Variants in DNAH11 observed in about 807,000 individuals in gnomAD.
DNAH11 encodes axonemal beta dynein heavy chain 11.
DNAH11 carries 442 observed loss-of-function variants against 526.0 expected under a neutral mutation model. The ratio of observed to expected loss-of-function variants is 0.84; its 90% CI spans 0.78 to 0.91. DNAH11 has a LOEUF of 0.91. Ranked by LOEUF, DNAH11 falls within the 40% of genes least tolerant of loss-of-function variation. The pLI is 0.00. For synonymous variants in DNAH11, 2,461 were observed against 1,935.9 expected (o/e 1.27, Z -7.12); for missense variants, 6,989 against 5,448.7 (o/e 1.28, Z -8.90).
intron 81 of DNAH11, among the ~76,000 whole-genome samples, chr7:21,900,504 G>C (rs62445899): frequency 0.1 from 11,524 of 112,068 alleles, 515 homozygotes; most frequent in African/African-American, 0.13. Flanking sequence ...CTCCAAGCCT[G>C]GAAGATGCTA....
chr7:21,725,848 A>C lies in DNAH11; in HGVS notation c.7304A>C (p.Gln2435Pro), dbSNP rs771851440. The part of the protein sequence containing the change: ...DYQADFSRWW[Q>P]KEMKAVKFPS... The stretch of plus-strand genomic sequence containing the variant: ...CAAGCTGACTTCAGTCGGTGGTGGC[A>C]GAAAGAGATGAAAGCAGTGAAATTT... The change falls in exon 45 of 82, where the codon CAG becomes CCG. Residue 2435 changes from glutamine to proline, a missense_variant. Physicochemically the swap from Gln to Pro is moderately conservative, Grantham distance 76. Transcript: ENST00000409508. 1.2e-6 allele frequency: 2 copies of C among 1,611,948 alleles called. No homozygotes were observed. The highest frequency in any genetic ancestry group is 1.7e-5 in the Admixed American group (1 of 59,828).
At chr7:21,744,730 A>C (rs892975888) in intron 50 of DNAH11, 131 bp downstream of exon 50, 174 of 1,429,602 alleles carry the variant, frequency 1.2e-4, no homozygotes, top group Non-Finnish European at 1.5e-4. Flanking sequence ...TCCAGAATAC[A>C]CTTGGTCTAT....
chr7:21,690,172 A>C (rs1783552642), intron 34 of DNAH11, among the ~76,000 whole-genome samples: 1 of 152,192 alleles, frequency 6.6e-6, no homozygotes, highest in South Asian at 2.1e-4. Context: ...TATTATTTTT[A>C]CTAGATGAGG....
intron 5 of DNAH11, 95 bp downstream of exon 5, chr7:21,561,265 G>T: frequency 1.2e-6 from 1 of 857,644 alleles, no homozygotes. Context: ...CTTCCGCCAT[G>T]TTTGTGGAGT....
intron 62 of DNAH11, among the ~76,000 whole-genome samples, chr7:21,807,337 A>G (rs1364318218): frequency 6.6e-6 from 1 of 152,164 alleles, no homozygotes; most frequent in East Asian, 1.9e-4. Context: ...CGTCTCTACA[A>G]AAAATACAAA....
Position 21,815,766 on chromosome 7 carries a change from T to A in DNAH11, c.10333-701T>A, listed in dbSNP as rs886545717. On this transcript the variant is annotated intron_variant, in intron 63 of 81. Transcript: ENST00000409508. ...GAACATATACATTCTTTAATACAAT[T>A]TTTGCCACAACGTTATTTATTGTTG... 3.3e-5 allele frequency among the ~76,000 whole-genome samples: 5 copies of A among 152,158 alleles called. No homozygotes were observed. In the East Asian group the frequency reaches 5.8e-4, roughly 18 times the overall value.
rs73070420 is a variant in DNAH11, at chr7:21,582,287, G to T, written c.1710+266G>T. 0.014 allele frequency among the ~76,000 whole-genome samples: 2,091 copies of T among 152,224 alleles called. 21 individuals are homozygous for T. Among genetic ancestry groups the T allele is most frequent in the Middle Eastern group, 0.034 (10 of 292 alleles). On this transcript the variant is annotated intron_variant, in intron 9 of 81. Transcript: ENST00000409508. ...TCTCATTATCTTCACAGCAAATTTG[G>T]CCTGGCCAATGAAATATTGATTCAA...
intron 81 of DNAH11, 126 bp downstream of exon 81, chr7:21,900,246 CATTTCTTCCTCTTAAATA>C: frequency 9.4e-7 from 1 of 1,064,232 alleles, no homozygotes; most frequent in Non-Finnish European, 1.3e-6. Flanking sequence ...GTCATTATCT[CATTTCTTCCTCTTAAATA>C]ATTTAAGTGC....
At chr7:21,640,622 A>G (rs1182125300) in intron 28 of DNAH11, among the ~76,000 whole-genome samples, 1 of 152,124 alleles carries the variant, frequency 6.6e-6, no homozygotes, top group Non-Finnish European at 1.5e-5. Flanking sequence ...TTCTGCAATG[A>G]CTAATCTCAC....
At chr7:21,900,193 C>CTGTT (rs1562612901) in intron 81 of DNAH11, 73 bp downstream of exon 81, 1 of 1,462,052 alleles carries the variant, frequency 6.8e-7, no homozygotes, top group Non-Finnish European at 9.1e-7. Flanking sequence ...CCTCTGCTTA[C>CTGTT]TGTTTCTCAG....
intron 40 of DNAH11, among the ~76,000 whole-genome samples, chr7:21,708,046 A>T (rs2128480269): frequency 6.6e-6 from 1 of 152,318 alleles, no homozygotes; most frequent in Non-Finnish European, 1.5e-5. Context: ...TTGTACTCAG[A>T]GCTGTTGTAT....
intron 38 of DNAH11, 129 bp from the exon 39 acceptor site, chr7:21,705,331 C>A (rs1784222580): frequency 1.2e-6 from 1 of 808,230 alleles, no homozygotes; most frequent in Non-Finnish European, 2.0e-6. Flanking sequence ...TTTTAACTTT[C>A]TCTGAACATA....
At chr7:21,567,435 A>G (rs1322054736) in intron 6 of DNAH11, among the ~76,000 whole-genome samples, 1 of 152,204 alleles carries the variant, frequency 6.6e-6, no homozygotes, top group African/African-American at 2.4e-5. Flanking sequence ...CCAAGGATCA[A>G]TGCAGTGTTT....
chr7:21,626,983 C>A (rs752968659), intron 25 of DNAH11, among the ~76,000 whole-genome samples: 1 of 151,988 alleles, frequency 6.6e-6, no homozygotes, highest in Non-Finnish European at 1.5e-5. Context: ...ATCTCCTGAC[C>A]TCGTGATCTG....
intron 30 of DNAH11, among the ~76,000 whole-genome samples, chr7:21,677,269 C>T (rs1049501137): frequency 2.0e-5 from 3 of 148,192 alleles, no homozygotes; most frequent in Non-Finnish European, 4.4e-5. Flanking sequence ...TGGGCATTGA[C>T]ATCATCATTC....
intron 66 of DNAH11, among the ~76,000 whole-genome samples, chr7:21,845,023 G>A (rs1237224934): frequency 2.0e-5 from 3 of 152,124 alleles, no homozygotes; most frequent in Non-Finnish European, 4.4e-5. Flanking sequence ...ATCAGGGACC[G>A]TGTCTGTAAT....
intron 8 of DNAH11, among the ~76,000 whole-genome samples, chr7:21,576,060 G>A (rs75676185): frequency 0.023 from 3,490 of 152,200 alleles, 139 homozygotes; most frequent in African/African-American, 0.078. Context: ...AACACTGGCC[G>A]TTATACAGTA....
chr7:21,692,892 T>A (rs73063717), intron 35 of DNAH11, among the ~76,000 whole-genome samples: 1 of 152,122 alleles, frequency 6.6e-6, no homozygotes, highest in East Asian at 1.9e-4. Context: ...TGTGTCCTCC[T>A]AGGTTTAGTT....
intron 44 of DNAH11, among the ~76,000 whole-genome samples, chr7:21,723,752 C>A (rs1486494864): frequency 2.0e-5 from 3 of 150,476 alleles, no homozygotes; most frequent in African/African-American, 4.9e-5. Flanking sequence ...CCCCACCCCT[C>A]CACCCCCAGC....
Sources: gnomAD v4.1 joint callset for allele counts (sites outside exome capture counted in the v4.1 genomes callset) on GRCh38, gnomAD v4.1.1 for gene constraint, MANE v1.5 for transcripts, NCBI Gene and HGNC (gene_info 2026-07-23, HGNC 2026-07-21) for gene names.